ZNF316: variants seen among roughly 807,000 people sequenced by gnomAD.
ZNF316 encodes zinc finger protein 316.
A neutral mutation model predicts 75.6 loss-of-function variants in ZNF316; 23 were observed. That is an observed-to-expected ratio of 0.30 (90% CI 0.22 to 0.43). ZNF316 has a LOEUF of 0.43. Ranked by LOEUF, ZNF316 falls within the 20% of genes least tolerant of loss-of-function variation. ZNF316 has a pLI of 1.00. For missense variants in ZNF316, 1,266 were observed against 1,409.4 expected (o/e 0.90, Z 1.63); for synonymous variants, 827 against 666.2 (o/e 1.24, Z -3.72).
chr7:6,641,731 G>A (rs1015960873), intron 3 of ZNF316, 94 bp from the exon 4 acceptor site: 1 of 152,336 alleles, frequency 6.6e-6, no homozygotes, highest in African/African-American at 2.4e-5. Flanking sequence ...GATGAGCCGT[G>A]TGTCCACCAT....
rs554240468 is a variant in ZNF316 at position 6,643,188 on chromosome 7, G to A, written c.465+115G>A. 2.0e-5 allele frequency: 24 copies of A among 1,218,612 alleles called. No individual in the cohort carries two copies. The South Asian group carries it at 6.9e-4, about 35-fold the overall frequency. 75.5% of individuals were successfully genotyped at this position (1,218,612 alleles called of 1,614,324 possible). A position where few individuals can be genotyped will look rare whatever the true frequency, so the allele number is the denominator to read the frequency against. On this transcript the variant is annotated intron_variant, in intron 6 of 8. Coordinates refer to ENST00000382252, the MANE Select transcript of ZNF316 (RefSeq NM_001278559.2). Reference sequence around the variant, plus strand: ...CAGCGGCCATGGCACTGGAGTCCCCGGACCAGGCCCAGGCCCTGAGCTGGG... The same window carrying A: ...CAGCGGCCATGGCACTGGAGTCCCCAGACCAGGCCCAGGCCCTGAGCTGGG...
At chr7:6,652,252 C>G in intron 8 of ZNF316, 51 bp from the exon 9 acceptor site, 1 of 1,231,372 alleles carries the variant, frequency 8.1e-7, no homozygotes, top group Non-Finnish European at 1.0e-6. Flanking sequence ...GCCAGAGGCT[C>G]CTGTCAAGTT....
At position 6,656,363 on chromosome 7, in the gene ZNF316, T is replaced by G. The variant is rs78113104; in HGVS notation, c.*1752T>G. The G allele has an allele frequency of 0.031, 4,782 of 152,262 alleles. 126 individuals are homozygous for G. Among genetic ancestry groups the G allele is most frequent in the Non-Finnish European group, 0.05 (3,432 of 68,024 alleles). The allele number at this position is 152,262 out of a possible 1,614,324, so 9.4% of individuals were successfully genotyped here. ...CAGGATCTGCTGTCTCCGTCCCTCC[T>G]GGGCCCCAGCAGCTGTCCTGCAGCT... On this transcript the variant is annotated 3_prime_UTR_variant, in exon 9 of 9. Transcript: ENST00000382252.
intron 8 of ZNF316, among the ~76,000 whole-genome samples, chr7:6,646,224 G>A (rs942466864): frequency 4.6e-5 from 7 of 152,066 alleles, no homozygotes; most frequent in African/African-American, 1.4e-4. Context: ...CCTTCGTGCC[G>A]CCATTCTCCA....
chr7:6,643,116 G>A (rs1779340868), intron 6 of ZNF316, 43 bp downstream of exon 6: 5 of 1,232,260 alleles, frequency 4.1e-6, no homozygotes, highest in African/African-American at 1.6e-5. Flanking sequence ...ACCTGGGCAG[G>A]GTTTCCCCCG....
chr7:6,653,825 C>A lies in ZNF316; in HGVS notation c.2229C>A (p.Gly743=). Reference sequence around the variant, plus strand: ...CGCGCCACCGGCGCACACACACCGGCGAGCGGCCCTTCCCGTGCCCCGAGT... The same window carrying A: ...CGCGCCACCGGCGCACACACACCGGAGAGCGGCCCTTCCCGTGCCCCGAGT... The part of the protein sequence containing the change: ...HLARHRRTHT[G]ERPFPCPECG... The change falls in exon 9 of 9, where the codon GGC becomes GGA. Residue 743 remains glycine (G), a synonymous_variant. Transcript: ENST00000382252. 9.3e-7 allele frequency: 1 copy of A among 1,080,952 alleles called. No individual in the cohort carries two copies. The highest frequency in any genetic ancestry group is 1.1e-6 in the Non-Finnish European group (1 of 889,646). The allele number at this position is 1,080,952 out of a possible 1,614,324, so 67.0% of individuals were successfully genotyped here. A position where few individuals can be genotyped will look rare whatever the true frequency, so the allele number is the denominator to read the frequency against.
rs1779353784 is a variant in ZNF316, at chr7:6,643,860, C to T, written c.504C>T (p.Ser168=). 3 of 1,238,534 alleles carry T rather than the reference C, an allele frequency of 2.4e-6. No homozygotes were observed. The highest frequency in any genetic ancestry group is 8.1e-5 in the South Asian group (2 of 24,628). The allele number at this position is 1,238,534 out of a possible 1,614,324, so 76.7% of individuals were successfully genotyped here. ...TTGAAGATGTGGCTGTGTACTTCTC[C>T]CTGGAGGAGTGGGAAAGGCTGGAAG... ...VTFEDVAVYF[S]LEEWERLEAD... is the part of the protein sequence containing the mutation. Residue 168 remains serine (S), a synonymous_variant, in exon 7 of 9, where the codon TCC becomes TCT. Coordinates refer to ENST00000382252, the MANE Select transcript of ZNF316 (RefSeq NM_001278559.2).
chr7:6,643,086 C>G lies in ZNF316; in HGVS notation c.465+13C>G, dbSNP rs1779339953. On this transcript the variant is annotated intron_variant, in intron 6 of 8. Coordinates refer to ENST00000382252, the MANE Select transcript of ZNF316 (RefSeq NM_001278559.2). ...GGCTGGGTGTCAGGTGAGCCGCCCT[C>G]TCCGTTTGGGGCTTGGGTAACCTGG... The G allele has an allele frequency of 8.1e-7, 1 of 1,234,028 alleles. No homozygotes were observed. 76.4% of individuals were successfully genotyped at this position (1,234,028 alleles called of 1,614,324 possible).
At position 6,644,596 on chromosome 7, in the gene ZNF316, G is replaced by T; in HGVS notation, c.706+3G>T. ...CATCGTCACTGGCGTCTACACAGGTGAGCGTGGATGGAATTTTGCGGTTTG... is the reference window on the plus strand; with the variant it reads ...CATCGTCACTGGCGTCTACACAGGTTAGCGTGGATGGAATTTTGCGGTTTG... On this transcript the variant is annotated splice_donor_region_variant and intron_variant, in intron 8 of 8. Transcript: ENST00000382252. The T allele has an allele frequency of 8.1e-7, 1 of 1,230,230 alleles. No homozygotes were observed. The highest frequency in any genetic ancestry group is 4.1e-5 in the South Asian group (1 of 24,244). 76.2% of individuals were successfully genotyped at this position (1,230,230 alleles called of 1,614,324 possible).
intron 8 of ZNF316, among the ~76,000 whole-genome samples, chr7:6,646,096 G>C (rs1779398431): frequency 6.6e-6 from 1 of 151,920 alleles, no homozygotes; most frequent in South Asian, 2.1e-4. Flanking sequence ...CCTCCCACCA[G>C]GTCCCTCCCT....
In ZNF316 at chr7:6,654,498, C is replaced by A. The variant is rs1562585098; in HGVS notation, c.2902C>A (p.Pro968Thr). 4 of 1,179,074 alleles carry A rather than the reference C, an allele frequency of 3.4e-6. No homozygotes were observed. Among genetic ancestry groups the A allele is most frequent in the South Asian group, 8.4e-5 (2 of 23,918 alleles). The allele number at this position is 1,179,074 out of a possible 1,614,324, so 73.0% of individuals were successfully genotyped here. Residue 968 changes from proline (P) to threonine (T), a missense_variant, in exon 9 of 9, where the codon CCC becomes ACC. Pro to Thr is a conservative substitution (Grantham distance 38). This residue lies in a region of ZNF316 where 111 missense variants were observed against 99.2 expected (regional missense o/e 1.12). Transcript: ENST00000382252. The part of the protein sequence containing the change: ...AAAKGPSSAG[P>T]GERGSALLEF... ...CGCCAAGGGGCCGTCCAGTGCCGGC[C>A]CCGGTGAGCGCGGCAGCGCCCTGCT... is the stretch of plus-strand genomic sequence containing the variant.
At chr7:6,651,214 C>T (rs1376858773) in intron 8 of ZNF316, among the ~76,000 whole-genome samples, 2 of 151,842 alleles carry the variant, frequency 1.3e-5, no homozygotes, top group Middle Eastern at 6.3e-3. Context: ...TCATCATCAT[C>T]TGGGCGCACG....
chr7:6,653,890 A>C lies in ZNF316; in HGVS notation c.2294A>C (p.His765Pro). Residue 765 changes from histidine (H) to proline (P), a missense_variant, in exon 9 of 9, where the codon CAC (histidine) becomes CCC (proline). By Grantham distance (77) the His-to-Pro change is moderately conservative. Coordinates refer to ENST00000382252, the MANE Select transcript of ZNF316 (RefSeq NM_001278559.2). Reference sequence around the variant, plus strand: ...GCCCGCGGCTCGCACTTGGCGGCGCACGTGCGCGGCCACACGGGCGAGAAG... The same window carrying C: ...GCCCGCGGCTCGCACTTGGCGGCGCCCGTGCGCGGCCACACGGGCGAGAAG... ...RFARGSHLAAHVRGHTGEKPF... is the reference protein window; with the variant it reads ...RFARGSHLAAPVRGHTGEKPF... The C allele has an allele frequency of 9.0e-7, 1 of 1,108,168 alleles. No individual in the cohort carries two copies. The highest frequency in any genetic ancestry group is 1.1e-6 in the Non-Finnish European group (1 of 908,680). The allele number at this position is 1,108,168 out of a possible 1,614,324, so 68.6% of individuals were successfully genotyped here. A position where few individuals can be genotyped will look rare whatever the true frequency, so the allele number is the denominator to read the frequency against.
intron 8 of ZNF316, among the ~76,000 whole-genome samples, chr7:6,650,790 G>A (rs1193059966): frequency 6.6e-6 from 1 of 152,170 alleles, no homozygotes; most frequent in Non-Finnish European, 1.5e-5. Flanking sequence ...CACCAGGAGG[G>A]TCCATGAAGG....
chr7:6,650,715 A>G (rs1779492844), intron 8 of ZNF316, among the ~76,000 whole-genome samples: 1 of 151,500 alleles, frequency 6.6e-6, no homozygotes, highest in Non-Finnish European at 1.5e-5. Flanking sequence ...AGGTGGGGTG[A>G]GGAGGAGATT....
In ZNF316 at chr7:6,643,060, C is replaced by T. The variant is rs926973150; in HGVS notation, c.452C>T (p.Thr151Met). Residue 151 changes from threonine to methionine, a missense_variant, in exon 6 of 9, where the codon ACG (threonine) becomes ATG (methionine). By Grantham distance (81) the Thr-to-Met change is moderately conservative. Around this residue, in one of 3 missense-constraint regions of ZNF316, gnomAD observed 961 missense variants for 990.9 expected, o/e 0.97. Transcript: ENST00000382252. The stretch of plus-strand genomic sequence containing the variant: ...GATGAGGACGAGGATGATTTGCTGA[C>T]GGCTGGGTGTCAGGTGAGCCGCCCT... Reference protein sequence around the residue: ...EEDEDEDDLLTAGCQELVTFE... With the variant: ...EEDEDEDDLLMAGCQELVTFE... 46 of 1,236,208 alleles carry T rather than the reference C, an allele frequency of 3.7e-5. No homozygotes were observed. In the Admixed American group the frequency reaches 4.2e-4, roughly 11 times the overall value. The allele number at this position is 1,236,208 out of a possible 1,614,324, so 76.6% of individuals were successfully genotyped here. A position where few individuals can be genotyped will look rare whatever the true frequency, so the allele number is the denominator to read the frequency against.
Position 6,654,463 on chromosome 7 carries a change from C to A in ZNF316, c.2867C>A (p.Pro956His). The A allele has an allele frequency of 8.4e-7, 1 of 1,193,010 alleles. No individual in the cohort carries two copies. The highest frequency in any genetic ancestry group is 1.0e-6 in the Non-Finnish European group (1 of 963,280). 73.9% of individuals were successfully genotyped at this position (1,193,010 alleles called of 1,614,324 possible). Residue 956 changes from proline to histidine, a missense_variant, in exon 9 of 9, where the codon CCC becomes CAC. Physicochemically the swap from Pro to His is moderately conservative, Grantham distance 77 (BLOSUM62 -2). Coordinates refer to ENST00000382252, the MANE Select transcript of ZNF316 (RefSeq NM_001278559.2). The stretch of plus-strand genomic sequence containing the variant: ...TCGGCCCCAGCCCCCGCGCCCAAGC[C>A]CGAGGCGGCCGCCAAGGGGCCGTCC... ...SGSAPAPAPK[P>H]EAAAKGPSSA...
In ZNF316 at chr7:6,654,411, G is replaced by C; in HGVS notation, c.2815G>C (p.Gly939Arg). 2 of 1,212,672 alleles carry C rather than the reference G, an allele frequency of 1.6e-6. No homozygotes were observed. Among genetic ancestry groups the C allele is most frequent in the Non-Finnish European group, 2.0e-6 (2 of 975,926 alleles). 75.1% of individuals were successfully genotyped at this position (1,212,672 alleles called of 1,614,324 possible). A position where few individuals can be genotyped will look rare whatever the true frequency, so the allele number is the denominator to read the frequency against. Residue 939 changes from glycine to arginine, a missense_variant, in exon 9 of 9, where the codon GGA becomes CGA. This residue lies in a region of ZNF316 where 111 missense variants were observed against 99.2 expected (regional missense o/e 1.12). Coordinates refer to ENST00000382252, the MANE Select transcript of ZNF316 (RefSeq NM_001278559.2). ...HLLTHMKTHR[G>R]ATAAPGSGSA... The stretch of plus-strand genomic sequence containing the variant: ...GCTCACCCACATGAAGACGCACCGC[G>C]GAGCCACCGCAGCGCCGGGCTCGGG...
In ZNF316 at chr7:6,640,476, C is replaced by T. The variant is rs894775060; in HGVS notation, c.-167+1335C>T. ...AGGCGCCACACACTTTTAAAGACGACCAGATGTCCTGTGAACTCATTACTC... is the reference window on the plus strand; with the variant it reads ...AGGCGCCACACACTTTTAAAGACGATCAGATGTCCTGTGAACTCATTACTC... On this transcript the variant is annotated intron_variant, in intron 3 of 8. Transcript: ENST00000382252. This position sits in a 1 kb window ranked among gnomAD's most constrained non-coding sequence, Gnocchi z 5.1. Among the ~76,000 whole-genome samples the T allele has an allele frequency of 2.6e-5, 4 of 152,140 alleles. No homozygotes were observed. Among genetic ancestry groups the T allele is most frequent in the Non-Finnish European group, 4.4e-5 (3 of 68,034 alleles).
Sources: allele counts gnomAD v4.1 joint callset (sites outside exome capture counted in the v4.1 genomes callset), GRCh38; gene constraint gnomAD v4.1.1; regional missense constraint gnomAD v4.1.1; non-coding constraint Gnocchi (gnomAD v3.1); transcripts MANE v1.5; gene names NCBI Gene and HGNC (gene_info 2026-07-23, HGNC 2026-07-21).